Variants in MYT1L observed in about 807,000 individuals in gnomAD.
MYT1L encodes myelin transcription factor 1 like.
In MYT1L, 12 loss-of-function variants were observed where a neutral mutation model predicts 126.7. The ratio of observed to expected loss-of-function variants is 0.09; its 90% CI spans 0.06 to 0.15. The LOEUF (loss-of-function observed/expected upper bound fraction) is 0.15, where lower values mean the gene tolerates loss of function less well. Among genes scored for constraint, MYT1L ranks in the 10% least tolerant of loss-of-function variants. MYT1L has a pLI of 1.00. For missense variants in MYT1L, 979 were observed against 1,585.2 expected (o/e 0.62, Z 6.49); for synonymous variants, 541 against 604.2 (o/e 0.90, Z 1.53).
rs140382442 is a variant in MYT1L at position 2,251,310 on chromosome 2, T to G, written c.-421+33094A>C. Among the ~76,000 whole-genome samples the G allele has an allele frequency of 3.3e-3, 496 of 152,342 alleles. 2 individuals carry two copies. The highest frequency in any genetic ancestry group is 0.011 in the African/African-American group (468 of 41,560). ...TAAGATAACAAGATAAACTACTGTATAATGACCTAGACGTGGAGATACGTC... is the reference window on the plus strand; with the variant it reads ...TAAGATAACAAGATAAACTACTGTAGAATGACCTAGACGTGGAGATACGTC... On this transcript the variant is annotated intron_variant, in intron 2 of 24. Transcript: ENST00000647738.
chr2:2,169,430 A>G (rs183171910), intron 3 of MYT1L, among the ~76,000 whole-genome samples: 1 of 152,324 alleles, frequency 6.6e-6, no homozygotes, highest in Non-Finnish European at 1.5e-5. Flanking sequence ...TTTTGGCTAA[A>G]TCACATATGA....
chr2:2,001,993 T>A (rs573763475), intron 4 of MYT1L, among the ~76,000 whole-genome samples: 1 of 152,280 alleles, frequency 6.6e-6, no homozygotes, highest in South Asian at 2.1e-4. Flanking sequence ...AGATTTTACA[T>A]CTTGATCCCG....
At chr2:1,868,669 G>A (rs1227763021) in intron 18 of MYT1L, among the ~76,000 whole-genome samples, 2 of 152,200 alleles carry the variant, frequency 1.3e-5, no homozygotes, top group African/African-American at 4.8e-5. Context: ...CCTTCTCTGT[G>A]CCCCCCTTCT....
chr2:1,982,235 C>T (rs1044624344), intron 5 of MYT1L, among the ~76,000 whole-genome samples: 1 of 152,180 alleles, frequency 6.6e-6, no homozygotes, highest in Non-Finnish European at 1.5e-5. Context: ...TGAGAAAGGG[C>T]ATTTCCCGGG....
intron 1 of MYT1L, among the ~76,000 whole-genome samples, chr2:2,323,246 C>T (rs1205100821): frequency 6.6e-6 from 1 of 151,888 alleles, no homozygotes; most frequent in African/African-American, 2.4e-5. Context: ...TTCCCCTCCC[C>T]CCAAAAGTTG....
chr2:1,934,550 G>T (rs1379199439), intron 9 of MYT1L, among the ~76,000 whole-genome samples: 1 of 151,744 alleles, frequency 6.6e-6, no homozygotes, highest in Non-Finnish European at 1.5e-5. Flanking sequence ...TAAATTAAGG[G>T]ATTAAAAAAA....
At chr2:1,921,441 TA>T (rs2149098233) in intron 10 of MYT1L, among the ~76,000 whole-genome samples, 1 of 152,276 alleles carries the variant, frequency 6.6e-6, no homozygotes, top group East Asian at 1.9e-4. Flanking sequence ...CTTACATACA[TA>T]TAGTATACAT....
At chr2:2,041,684 A>T (rs1005761331) in intron 4 of MYT1L, among the ~76,000 whole-genome samples, 6 of 151,982 alleles carry the variant, frequency 3.9e-5, no homozygotes, top group Non-Finnish European at 8.8e-5. Flanking sequence ...CCGGAGGCAA[A>T]TTTCTCTGGT....
intron 2 of MYT1L, among the ~76,000 whole-genome samples, chr2:2,215,905 A>T (rs1007715761): frequency 1.3e-5 from 2 of 152,176 alleles, no homozygotes; most frequent in African/African-American, 4.8e-5. Context: ...TGTTCGGGTC[A>T]TAGGGGTGGA....
intron 3 of MYT1L, among the ~76,000 whole-genome samples, chr2:2,097,521 T>C (rs889144209): frequency 1.3e-5 from 2 of 152,154 alleles, no homozygotes; most frequent in Non-Finnish European, 2.9e-5. Context: ...TTAGCAAAAG[T>C]AACACAACAC....
At chr2:2,159,596 TAGG>T (rs2148409297) in intron 3 of MYT1L, among the ~76,000 whole-genome samples, 1 of 152,076 alleles carries the variant, frequency 6.6e-6, no homozygotes, top group East Asian at 2.0e-4. Flanking sequence ...GATTGCCGAC[TAGG>T]AGGTGGCCGA....
At position 1,939,720 on chromosome 2, in the gene MYT1L, G is replaced by A. The variant is rs1218290218; in HGVS notation, c.505+3262C>T. On this transcript the variant is annotated intron_variant, in intron 9 of 24. Coordinates refer to ENST00000647738, the MANE Select transcript of MYT1L (RefSeq NM_001303052.2). The stretch of plus-strand genomic sequence containing the variant: ...TGACTGTTCTATCAACAGTTATCCT[G>A]TTCCTTTGATATAGAAGCTGCTTGG... Among the ~76,000 whole-genome samples the A allele has an allele frequency of 2.0e-5, 3 of 152,194 alleles. No individual in the cohort carries two copies. The East Asian group carries it at 5.8e-4, about 29-fold the overall frequency.
intron 18 of MYT1L, among the ~76,000 whole-genome samples, chr2:1,870,127 T>G (rs1326912403): frequency 6.6e-6 from 1 of 152,198 alleles, no homozygotes; most frequent in African/African-American, 2.4e-5. Context: ...AGATGCTGAC[T>G]CTAGTAATGA....
chr2:2,163,615 C>T (rs2088434051), intron 3 of MYT1L, among the ~76,000 whole-genome samples: 1 of 151,630 alleles, frequency 6.6e-6, no homozygotes, highest in Non-Finnish European at 1.5e-5. Flanking sequence ...GCCTGTAGTC[C>T]CAGCTACTCG....
intron 4 of MYT1L, among the ~76,000 whole-genome samples, chr2:2,045,422 A>G (rs2068058758): frequency 6.6e-6 from 1 of 152,200 alleles, no homozygotes; most frequent in South Asian, 2.1e-4. Flanking sequence ...AGAGCCATGC[A>G]GGGGCCAAAA....
intron 3 of MYT1L, among the ~76,000 whole-genome samples, chr2:2,153,878 G>A (rs75652960): frequency 1.3e-3 from 201 of 152,210 alleles, no homozygotes; most frequent in Non-Finnish European, 2.1e-3. Flanking sequence ...GAACGAACAC[G>A]GAGGAACCCC....
At chr2:2,202,227 C>A (rs1190943663) in intron 2 of MYT1L, among the ~76,000 whole-genome samples, 1 of 151,938 alleles carries the variant, frequency 6.6e-6, no homozygotes, top group Non-Finnish European at 1.5e-5. Flanking sequence ...GAAGCAAGAG[C>A]AAACACATTC....
At chr2:2,243,541 C>G (rs746953030) in intron 2 of MYT1L, among the ~76,000 whole-genome samples, 1 of 152,112 alleles carries the variant, frequency 6.6e-6, no homozygotes, top group South Asian at 2.1e-4. Flanking sequence ...TCCATGGTAC[C>G]TAGTTGTGTA....
chr2:2,185,932 C>A (rs1410726098), intron 2 of MYT1L, among the ~76,000 whole-genome samples: 5 of 115,840 alleles, frequency 4.3e-5, no homozygotes, highest in African/African-American at 1.6e-4. Context: ...CGCGTTCCTT[C>A]TGTGAGGCGG....
Sources: gnomAD v4.1 joint callset for allele counts (sites outside exome capture counted in the v4.1 genomes callset) on GRCh38, gnomAD v4.1.1 for gene constraint, MANE v1.5 for transcripts, NCBI Gene and HGNC (gene_info 2026-07-23, HGNC 2026-07-21) for gene names.